The following NEB variants were observed in gnomAD, a reference collection of about 807,000 sequenced individuals.
The protein encoded by NEB is nemaline myopathy type 2.
A neutral mutation model predicts 952.2 loss-of-function variants in NEB; 512 were observed. The observed-to-expected ratio is 0.54, with a 90% CI of 0.50 to 0.58. NEB has a LOEUF of 0.58. Among genes scored for constraint, NEB ranks in the 20% least tolerant of loss-of-function variants. NEB has a pLI of 0.00. For synonymous variants in NEB, 2,900 were observed against 3,149.8 expected (o/e 0.92, Z 2.66); for missense variants, 8,428 against 9,231.1 (o/e 0.91, Z 3.56).
Position 151,485,864 on chromosome 2 carries a change from C to T in NEB, c.25474G>A (p.Ala8492Thr), listed in dbSNP as rs2049828016. 3 of 1,613,974 alleles carry T rather than the reference C, an allele frequency of 1.9e-6. No homozygotes were observed. The highest frequency in any genetic ancestry group is 2.2e-5 in the South Asian group (2 of 91,082). Reference protein sequence around the residue: ...ADEVSFKDGDAIINVQAIDEG... With the variant: ...ADEVSFKDGDTIINVQAIDEG... ...TCAATTGCTTGAACATTTATGATGG[C>T]ATCTCCATCCTTGAAGGACACCTCA... The change falls in exon 182 of 182, where the codon GCC (alanine) becomes ACC (threonine). Residue 8492 changes from alanine to threonine, a missense_variant. Ala to Thr is a moderately conservative substitution (Grantham distance 58). Around this residue, in one of 11 missense-constraint regions of NEB, gnomAD observed 3,374 missense variants for 3,651.5 expected, o/e 0.92. Transcript: ENST00000397345.
rs1253701848 is a variant in NEB at position 151,679,977 on chromosome 2, G to A, written c.3088C>T (p.Leu1030=). ...ATGAACTGGGGCAGGTCTGGTGGCA[G>A]GTTGTATTTGTGAATAATTTCCTCT... ...KGEEIIHKYN[L]PPDLPQFIQA... Residue 1030 remains leucine, a synonymous_variant, in exon 31 of 182, where the codon CTG becomes TTG. Coordinates refer to ENST00000397345, the MANE Select transcript of NEB (RefSeq NM_001164508.2). 1.9e-6 allele frequency: 3 copies of A among 1,613,692 alleles called. No homozygotes were observed. The highest frequency in any genetic ancestry group is 4.5e-5 in the East Asian group (2 of 44,894).
intron 130 of NEB, among the ~76,000 whole-genome samples, chr2:151,548,651 T>C (rs1250937245): frequency 6.6e-6 from 1 of 152,216 alleles, no homozygotes; most frequent in African/African-American, 2.4e-5. Context: ...AGGTGAAATC[T>C]GTTTGTCGGA....
chr2:151,558,042 T>G (rs1188533886), intron 124 of NEB, among the ~76,000 whole-genome samples: 1 of 152,078 alleles, frequency 6.6e-6, no homozygotes, highest in African/African-American at 2.4e-5. Flanking sequence ...GAGAAAGAAA[T>G]AAACGGTATT....
Position 151,537,210 on chromosome 2 carries a change from CCAAGT to C in NEB, c.21124_21128del (p.Thr7042AlafsTer2), listed in dbSNP as rs1441817658. On this transcript the variant is annotated frameshift_variant, in exon 141 of 182. Coordinates refer to ENST00000397345, the MANE Select transcript of NEB (RefSeq NM_001164508.2). LOFTEE classifies it high-confidence loss of function. Reference sequence around the variant, plus strand: ...AGGCATAGCAACCAATGCCTTTAAGCCAAGTCAAGTCTTCTTTATATTTTACCTGG... The same window carrying C: ...AGGCATAGCAACCAATGCCTTTAAGCCAAGTCTTCTTTATATTTTACCTGG... The C allele has an allele frequency of 6.2e-7, 1 of 1,612,396 alleles. No homozygotes were observed. The highest frequency in any genetic ancestry group is 8.5e-7 in the Non-Finnish European group (1 of 1,178,862).
chr2:151,706,241 C>G (rs1168656843), intron 13 of NEB, among the ~76,000 whole-genome samples: 1 of 152,178 alleles, frequency 6.6e-6, no homozygotes, highest in Non-Finnish European at 1.5e-5. Flanking sequence ...GAAAAGATAA[C>G]TAACCCACAC....
At position 151,496,985 on chromosome 2, in the gene NEB, G is replaced by A; in HGVS notation, c.24349C>T (p.Pro8117Ser). 5 of 1,581,472 alleles carry A rather than the reference G, an allele frequency of 3.2e-6. No individual in the cohort carries two copies. Among genetic ancestry groups the A allele is most frequent in the Non-Finnish European group, 3.4e-6 (4 of 1,161,676 alleles). Residue 8117 changes from proline (P) to serine (S), a missense_variant, in exon 172 of 182, where the codon CCT (proline) becomes TCT (serine). Transcript: ENST00000397345. The stretch of plus-strand genomic sequence containing the variant: ...TTGTGTTTGACTCTCTCCATCTCAG[G>A]AGTGACAGGTAGAGGGGTTCCCTTG... ...MGKGTPLPVTPEMERVKHNQE... is the reference protein window; with the variant it reads ...MGKGTPLPVTSEMERVKHNQE...
intron 107 of NEB, among the ~76,000 whole-genome samples, chr2:151,571,794 C>G (rs1560082883): frequency 6.6e-6 from 1 of 152,180 alleles, no homozygotes; most frequent in Non-Finnish European, 1.5e-5. Context: ...ATATAATTCA[C>G]AAATCATACC....
chr2:151,670,828 C>T (rs2099276959), intron 38 of NEB, among the ~76,000 whole-genome samples, 195 bp downstream of exon 38: 1 of 152,222 alleles, frequency 6.6e-6, no homozygotes, highest in Non-Finnish European at 1.5e-5. Context: ...AATAGTCCCC[C>T]ATTTTCATCT....
At chr2:151,703,926 G>T (rs1403166588) in intron 13 of NEB, among the ~76,000 whole-genome samples, 1,395 of 114,236 alleles carry the variant, frequency 0.012, no homozygotes, top group African/African-American at 0.018. Flanking sequence ...TTTGGAGGAG[G>T]AGAGGCGCTC....
chr2:151,560,715 A>T lies in NEB; in HGVS notation c.19207-16T>A. ...TGTACAGGTTCTGCAGGAATTAAAG[A>T]CCTTCTTGTGAATATGGGAAAATGC... On this transcript the variant is annotated splice_polypyrimidine_tract_variant and intron_variant, in intron 123 of 181. Coordinates refer to ENST00000397345, the MANE Select transcript of NEB (RefSeq NM_001164508.2). The T allele has an allele frequency of 6.3e-7, 1 of 1,582,650 alleles. No individual in the cohort carries two copies. The highest frequency in any genetic ancestry group is 8.6e-7 in the Non-Finnish European group (1 of 1,157,100).
chr2:151,727,659 A>G (rs747922248), intron 5 of NEB, 32 bp downstream of exon 5: 1 of 1,583,728 alleles, frequency 6.3e-7, no homozygotes, highest in Non-Finnish European at 8.7e-7. Context: ...TTAATAATCA[A>G]GCCAGGTTAG....
intron 13 of NEB, 47 bp downstream of exon 13, chr2:151,706,834 T>G: frequency 7.3e-7 from 1 of 1,368,232 alleles, no homozygotes; most frequent in Non-Finnish European, 1.0e-6. Context: ...AATTTTCATC[T>G]CTTTTGCAGC....
At chr2:151,619,847 T>G (rs2098341239) in intron 72 of NEB, 85 bp from the exon 73 acceptor site, 7 of 1,409,116 alleles carry the variant, frequency 5.0e-6, no homozygotes, top group African/African-American at 2.9e-5. Flanking sequence ...TTCTATGAAA[T>G]CTTTAAGGCA....
intron 179 of NEB, 139 bp downstream of exon 179, chr2:151,491,544 A>G: frequency 1.4e-6 from 1 of 730,140 alleles, no homozygotes; most frequent in Admixed American, 2.3e-5. Context: ...CTAGTTAACA[A>G]GGTATTTTTA....
At chr2:151,694,695 A>ATGCAT in intron 18 of NEB, 66 bp from the exon 19 acceptor site, 1 of 1,222,364 alleles carries the variant, frequency 8.2e-7, no homozygotes, top group Non-Finnish European at 1.2e-6. Context: ...TTTAAAGACT[A>ATGCAT]GTGGGTAACT....
At chr2:151,670,927 G>C in intron 38 of NEB, 96 bp downstream of exon 38, 3 of 1,275,802 alleles carry the variant, frequency 2.4e-6, no homozygotes, top group Non-Finnish European at 3.4e-6. Flanking sequence ...TGCTAACATA[G>C]ATGCATCCTC....
At position 151,682,644 on chromosome 2, in the gene NEB, C is replaced by A; in HGVS notation, c.2943+18G>T. 1 of 1,584,460 alleles carries A rather than the reference C, an allele frequency of 6.3e-7. No homozygotes were observed. Among genetic ancestry groups the A allele is most frequent in the Non-Finnish European group, 8.7e-7 (1 of 1,155,320 alleles). The stretch of plus-strand genomic sequence containing the variant: ...AACACAGTCACCACTCTCCCTCTGA[C>A]ACACCCAGTGGCTTTACCTCATTGA... On this transcript the variant is annotated intron_variant, in intron 29 of 181. Transcript: ENST00000397345.
At chr2:151,539,387 A>G (rs1257262477) in intron 138 of NEB, among the ~76,000 whole-genome samples, 1 of 152,202 alleles carries the variant, frequency 6.6e-6, no homozygotes, top group Non-Finnish European at 1.5e-5. Flanking sequence ...TCTTCTCCAA[A>G]TAAAAATTCC....
intron 181 of NEB, among the ~76,000 whole-genome samples, chr2:151,489,347 T>G (rs1172405868): frequency 2.0e-5 from 3 of 152,146 alleles, no homozygotes; most frequent in African/African-American, 7.2e-5. Context: ...TATATATTAA[T>G]AGGGGAGATC....
Sources: allele counts gnomAD v4.1 joint callset (sites outside exome capture counted in the v4.1 genomes callset), GRCh38; gene constraint gnomAD v4.1.1; regional missense constraint gnomAD v4.1.1; transcripts MANE v1.5; gene names NCBI Gene and HGNC (gene_info 2026-07-23, HGNC 2026-07-21).